COL4A3: variants seen among roughly 807,000 people sequenced by gnomAD.
COL4A3 encodes collagen alpha-3(IV) chain.
Under a neutral mutation model 217.4 loss-of-function variants are expected in COL4A3, and 135 were observed. The observed-to-expected ratio is 0.62, with a 90% CI of 0.54 to 0.72. The LOEUF (loss-of-function observed/expected upper bound fraction) is 0.72. Among genes scored for constraint, COL4A3 ranks in the 30% least tolerant of loss-of-function variants. COL4A3 has a pLI of 0.00. For missense variants in COL4A3, 1,868 were observed against 2,119.9 expected (o/e 0.88, Z 2.33); for synonymous variants, 690 against 736.3 (o/e 0.94, Z 1.02).
Position 227,238,007 on chromosome 2 carries a change from G to C in COL4A3, c.127G>C (p.Gly43Arg), listed in dbSNP as rs13424243. Residue 43 changes from glycine (G) to arginine (R), a missense_variant, in exon 2 of 52, where the codon GGG becomes CGG. Physicochemically the swap from Gly to Arg is moderately radical, Grantham distance 125. This residue lies in a region of COL4A3 where 365 missense variants were observed against 333.8 expected (regional missense o/e 1.09). Transcript: ENST00000396578. Reference protein sequence around the residue: ...CKDKGQCFCDGAKGEKGEKGF... With the variant: ...CKDKGQCFCDRAKGEKGEKGF... ...AGACAAAGGCCAGTGCTTCTGTGAC[G>C]GGGCCAAAGGGGAGAAGGTAAAAAC... 0.34 allele frequency: 543,490 copies of C among 1,604,472 alleles called. 97,778 individuals carry two copies. The highest frequency in any genetic ancestry group is 0.37 in the Non-Finnish European group (436,095 of 1,171,710).
At chr2:227,295,198 A>C in intron 40 of COL4A3, 71 bp from the exon 41 acceptor site, 1 of 1,557,102 alleles carries the variant, frequency 6.4e-7, no homozygotes, top group Non-Finnish European at 8.9e-7. Context: ...GGTGTGTACT[A>C]AACTTTTCTC....
chr2:227,197,398 A>G (rs1005783804), intron 1 of COL4A3, among the ~76,000 whole-genome samples: 92 of 152,122 alleles, frequency 6.0e-4, no homozygotes, highest in African/African-American at 2.1e-3. Flanking sequence ...AGCAGCCTGA[A>G]AACAGACTAA....
chr2:227,253,999 A>G lies in COL4A3; in HGVS notation c.766-113A>G, dbSNP rs892545146. On this transcript the variant is annotated intron_variant, in intron 13 of 51. Coordinates refer to ENST00000396578, the MANE Select transcript of COL4A3 (RefSeq NM_000091.5). This position sits in a 1 kb window ranked among gnomAD's most constrained non-coding sequence, Gnocchi z 4.4. ...ATTGGGTTGTGTTAACACGAGGCAC[A>G]TTCATAGTTTGTAAACCCAGTTTAT... 3 of 990,722 alleles carry G rather than the reference A, an allele frequency of 3.0e-6. No individual in the cohort carries two copies. The African/African-American group carries it at 4.8e-5, about 16-fold the overall frequency. The allele number at this position is 990,722 out of a possible 1,614,324, so 61.4% of individuals were successfully genotyped here. A position where few individuals can be genotyped will look rare whatever the true frequency, so the allele number is the denominator to read the frequency against.
At position 227,298,662 on chromosome 2, in the gene COL4A3, CA is replaced by C; in HGVS notation, c.3752-19del. The stretch of plus-strand genomic sequence containing the variant: ...CAAGCTCCCTGGCTGGCAATACTGA[CA>C]GACTTTTCATGAATTCAGGTGCGCC... On this transcript the variant is annotated intron_variant, in intron 42 of 51. Coordinates refer to ENST00000396578, the MANE Select transcript of COL4A3 (RefSeq NM_000091.5). The C allele has an allele frequency of 6.2e-7, 1 of 1,613,458 alleles. No homozygotes were observed. The highest frequency in any genetic ancestry group is 8.5e-7 in the Non-Finnish European group (1 of 1,179,636).
intron 17 of COL4A3, 72 bp downstream of exon 17, chr2:227,256,468 T>C (rs1316238613): frequency 1.7e-6 from 2 of 1,174,254 alleles, no homozygotes; most frequent in Non-Finnish European, 2.6e-6. Context: ...CCTCCAACCC[T>C]GGACCTAAGT....
intron 26 of COL4A3, among the ~76,000 whole-genome samples, chr2:227,273,522 G>T (rs538177870): frequency 1.3e-5 from 2 of 152,176 alleles, no homozygotes; most frequent in Admixed American, 1.3e-4. Context: ...CTCCTGCCTG[G>T]TCTCCTGAGT....
rs1306295946 is a variant in COL4A3 at position 227,259,779 on chromosome 2, C to A, written c.1030-14C>A. ...AGCTATCCTTTCTCTGTATTTGTTT[C>A]TTTCTCCTCTAAGACAGAATATTAT... On this transcript the variant is annotated splice_polypyrimidine_tract_variant and intron_variant, in intron 18 of 51. Transcript: ENST00000396578. 1 of 1,581,720 alleles carries A rather than the reference C, an allele frequency of 6.3e-7. No individual in the cohort carries two copies. Among genetic ancestry groups the A allele is most frequent in the South Asian group, 1.1e-5 (1 of 90,368 alleles).
In COL4A3 at chr2:227,243,064, A is replaced by G. The variant is rs192815197; in HGVS notation, c.235-1256A>G. On this transcript the variant is annotated intron_variant, in intron 3 of 51. Transcript: ENST00000396578. ...TCAACCCTGGACTTAGATCAGCCTA[A>G]TGCCAATTCCGTTTTTAAAAAAATT... Among the ~76,000 whole-genome samples the G allele has an allele frequency of 2.6e-5, 4 of 152,326 alleles. No individual in the cohort carries two copies. In the East Asian group the frequency reaches 7.7e-4, roughly 29 times the overall value.
chr2:227,310,881 A>G lies in COL4A3; in HGVS notation c.4861A>G (p.Thr1621Ala). Residue 1621 changes from threonine to alanine, a missense_variant, in exon 51 of 52, where the codon ACG becomes GCG. Thr to Ala is a moderately conservative substitution (Grantham distance 58, BLOSUM62 0). This residue lies in a region of COL4A3 where 1,503 missense variants were observed against 1,786.1 expected (regional missense o/e 0.84). Coordinates refer to ENST00000396578, the MANE Select transcript of COL4A3 (RefSeq NM_000091.5). ...SPFLECHGRG[T>A]CNYYSNSYSF... ...ATTTCTAGAATGTCATGGAAGAGGA[A>G]CGTGCAACTACTATTCAAATTCCTA... 6.2e-7 allele frequency: 1 copy of G among 1,614,136 alleles called. No homozygotes were observed. Among genetic ancestry groups the G allele is most frequent in the South Asian group, 1.1e-5 (1 of 91,082 alleles).
At position 227,251,174 on chromosome 2, in the gene COL4A3, T is replaced by C. The variant is rs2069719390; in HGVS notation, c.581T>C (p.Val194Ala). 1 of 1,613,756 alleles carries C rather than the reference T, an allele frequency of 6.2e-7. No homozygotes were observed. The change falls in exon 10 of 52, where the codon GTT becomes GCT. Residue 194 changes from valine (V) to alanine (A), a missense_variant. This residue lies in a region of COL4A3 where 365 missense variants were observed against 333.8 expected (regional missense o/e 1.09). Coordinates refer to ENST00000396578, the MANE Select transcript of COL4A3 (RefSeq NM_000091.5). ...GGCCCTCCAGGTTTTCCTGGGCCTG[T>C]TGGCCCACCTGGTCCTCCGGGATTC... ...LPGPPGFPGP[V>A]GPPGPPGFFG...
chr2:227,182,023 A>G (rs1159821211), intron 1 of COL4A3, among the ~76,000 whole-genome samples: 8 of 152,146 alleles, frequency 5.3e-5, no homozygotes, highest in African/African-American at 1.9e-4. Context: ...CTAAAATATG[A>G]TTTCCCATAA....
At chr2:227,303,763 C>A (rs1248849602) in intron 44 of COL4A3, 96 bp from the exon 45 acceptor site, 2 of 1,187,448 alleles carry the variant, frequency 1.7e-6, no homozygotes, top group Admixed American at 3.5e-5. Flanking sequence ...TCCAGGCACA[C>A]TTCTAGTATT....
chr2:227,290,511 A>C (rs1404141558), intron 36 of COL4A3, among the ~76,000 whole-genome samples: 2 of 152,126 alleles, frequency 1.3e-5, no homozygotes, highest in African/African-American at 4.8e-5. Context: ...AAAAAAACCA[A>C]CAACAACAAA....
At chr2:227,214,334 T>A (rs564251778) in intron 1 of COL4A3, among the ~76,000 whole-genome samples, 2 of 152,312 alleles carry the variant, frequency 1.3e-5, no homozygotes, top group South Asian at 4.1e-4. Flanking sequence ...CAAACCCAAG[T>A]ATATTATAAC....
chr2:227,289,391 C>T (rs1239564137), intron 35 of COL4A3, 143 bp downstream of exon 35: 3 of 733,630 alleles, frequency 4.1e-6, no homozygotes, highest in African/African-American at 1.8e-5. Flanking sequence ...ACTAAATTAA[C>T]TAAAAGAAGG....
intron 34 of COL4A3, among the ~76,000 whole-genome samples, chr2:227,287,482 A>G (rs2072408575): frequency 6.6e-6 from 1 of 152,156 alleles, no homozygotes; most frequent in Admixed American, 6.6e-5. Context: ...ATACAAAACC[A>G]AGCCAGATTC....
Position 227,297,676 on chromosome 2 carries a change from G to A in COL4A3, c.3568G>A (p.Ala1190Thr), listed in dbSNP as rs1295568138. 2.5e-6 allele frequency: 4 copies of A among 1,606,538 alleles called. No individual in the cohort carries two copies. The highest frequency in any genetic ancestry group is 2.2e-5 in the East Asian group (1 of 44,768). ...TTATTAAGCCTTCTTCTTTGCAGGA[G>A]CCAAAGGAGACAGGGGAGCCCCAGG... ...GPRGNPGAQG[A>T]KGDRGAPGFP... Residue 1190 changes from alanine (A) to threonine (T), a missense_variant and splice_region_variant, in exon 42 of 52, where the codon GCC (alanine) becomes ACC (threonine). Ala to Thr is a moderately conservative substitution (Grantham distance 58, BLOSUM62 0). This residue lies in a region of COL4A3 where 1,503 missense variants were observed against 1,786.1 expected (regional missense o/e 0.84). Transcript: ENST00000396578.
intron 9 of COL4A3, among the ~76,000 whole-genome samples, chr2:227,249,230 A>ATATATATATATTTTTTTTTTTTTT: frequency 2.0e-4 from 3 of 14,692 alleles, no homozygotes; most frequent in East Asian, 2.7e-3. Context: ...ATATATATAT[A>ATATATATATATTTTTTTTTTTTTT]TTTTTTTTTT....
intron 26 of COL4A3, among the ~76,000 whole-genome samples, chr2:227,274,803 G>A (rs1396092032): frequency 6.6e-6 from 1 of 152,126 alleles, no homozygotes; most frequent in African/African-American, 2.4e-5. Flanking sequence ...CTGGCCGAAG[G>A]AGGCTGCTGT....
Sources: allele counts gnomAD v4.1 joint callset (sites outside exome capture counted in the v4.1 genomes callset), GRCh38; gene constraint gnomAD v4.1.1; regional missense constraint gnomAD v4.1.1; non-coding constraint Gnocchi (gnomAD v3.1); transcripts MANE v1.5; gene names NCBI Gene and HGNC (gene_info 2026-07-23, HGNC 2026-07-21).